The following UBAP2 variants were observed in gnomAD, a reference collection of about 807,000 sequenced individuals.
The protein encoded by UBAP2 is ubiquitin associated protein 2, also known as ubiquitin-associated protein 2.
Under a neutral mutation model 139.6 loss-of-function variants are expected in UBAP2, and 75 were observed. The observed-to-expected ratio is 0.54, with a 90% CI of 0.45 to 0.65. UBAP2 has a LOEUF of 0.65. UBAP2 is among the 30% of genes least tolerant of loss of function. The pLI is 0.00. For missense variants in UBAP2, 1,368 were observed against 1,369.6 expected (o/e 1.00, Z 0.02); for synonymous variants, 526 against 526.2 (o/e 1.00, Z 0.01).
chr9:34,024,631 ATAACTT>A (rs60979489), intron 1 of UBAP2, among the ~76,000 whole-genome samples: 90,633 of 151,200 alleles, frequency 0.6, 27,495 homozygotes, highest in East Asian at 0.81. Flanking sequence ...GGGTCAGAAA[ATAACTT>A]TAACAGGATG....
intron 2 of UBAP2, among the ~76,000 whole-genome samples, chr9:34,014,327 A>C (rs1339268614): frequency 2.0e-5 from 2 of 98,914 alleles, no homozygotes; most frequent in African/African-American, 8.0e-5. Flanking sequence ...ACTGTCTCAA[A>C]AAAAAAAAAA....
intron 19 of UBAP2, among the ~76,000 whole-genome samples, chr9:33,930,272 T>C (rs1261121572): frequency 2.0e-5 from 3 of 152,102 alleles, no homozygotes; most frequent in Non-Finnish European, 4.4e-5. Flanking sequence ...CAAATGTGTA[T>C]AAAATCATAA....
intron 6 of UBAP2, among the ~76,000 whole-genome samples, chr9:33,973,633 T>G (rs1828073014): frequency 6.6e-6 from 1 of 152,180 alleles, no homozygotes; most frequent in African/African-American, 2.4e-5. Context: ...AAGTATCATT[T>G]TAAATACTAG....
intron 19 of UBAP2, among the ~76,000 whole-genome samples, chr9:33,931,794 C>T (rs745340549): frequency 1.6e-4 from 24 of 152,148 alleles, no homozygotes; most frequent in Non-Finnish European, 2.2e-4. Flanking sequence ...CTCCTCCATT[C>T]GTCTGCACCC....
intron 11 of UBAP2, 94 bp from the exon 12 acceptor site, chr9:33,953,568 T>G: frequency 7.7e-7 from 1 of 1,293,370 alleles, no homozygotes. Context: ...GAATTTACAT[T>G]AAAAATCAAA....
chr9:33,928,077 A>G, intron 19 of UBAP2, 85 bp from the exon 20 acceptor site: 2 of 1,343,924 alleles, frequency 1.5e-6, no homozygotes, highest in South Asian at 1.4e-5. Flanking sequence ...CTTGGGCCCA[A>G]GTCTCAAGGC....
chr9:33,956,594 G>C (rs977999001), intron 10 of UBAP2, among the ~76,000 whole-genome samples: 1 of 152,010 alleles, frequency 6.6e-6, no homozygotes, highest in Non-Finnish European at 1.5e-5. Context: ...CTCCCAAAGT[G>C]TTGGGATTAC....
At chr9:34,038,558 T>A (rs1281407545) in intron 1 of UBAP2, among the ~76,000 whole-genome samples, 1 of 152,198 alleles carries the variant, frequency 6.6e-6, no homozygotes, top group African/African-American at 2.4e-5. Context: ...GTGCCGGGAT[T>A]GCAGACAGTG....
At chr9:34,002,335 T>C (rs1822779776) in intron 2 of UBAP2, among the ~76,000 whole-genome samples, 1 of 151,592 alleles carries the variant, frequency 6.6e-6, no homozygotes, top group Admixed American at 6.6e-5. Flanking sequence ...TATGAATATC[T>C]ATATCACGTT....
At chr9:33,938,898 G>C (rs761716033) in intron 16 of UBAP2, 6 of 454,226 alleles carry the variant, frequency 1.3e-5, no homozygotes, top group Non-Finnish European at 2.7e-5. Flanking sequence ...ACTTATTTCT[G>C]TCAAAGCATC....
At chr9:33,969,468 GA>G (rs1309027925) in intron 8 of UBAP2, among the ~76,000 whole-genome samples, 1 of 151,776 alleles carries the variant, frequency 6.6e-6, no homozygotes, top group African/African-American at 2.4e-5. Context: ...GGGATGGCTT[GA>G]ACCCAATGGT....
chr9:33,926,564 G>T, intron 22 of UBAP2, 53 bp downstream of exon 22: 2 of 1,596,708 alleles, frequency 1.3e-6, no homozygotes, highest in Non-Finnish European at 1.7e-6. Flanking sequence ...TAAGAGGGGG[G>T]ACATGTAAAA....
At chr9:34,020,528 G>A (rs901105724) in intron 1 of UBAP2, among the ~76,000 whole-genome samples, 65 of 152,028 alleles carry the variant, frequency 4.3e-4, no homozygotes, top group African/African-American at 1.5e-3. Context: ...GTTTGGCCAT[G>A]TTGGTCAGGC....
intron 1 of UBAP2, among the ~76,000 whole-genome samples, chr9:34,032,916 C>CAAAA (rs71506153): frequency 1.7e-5 from 2 of 118,068 alleles, no homozygotes; most frequent in Non-Finnish European, 3.5e-5. Flanking sequence ...ACCCTGTCTT[C>CAAAA]AAAAAAAAAA....
At chr9:34,020,352 A>G (rs989395045) in intron 1 of UBAP2, among the ~76,000 whole-genome samples, 10 of 150,362 alleles carry the variant, frequency 6.7e-5, no homozygotes, top group Admixed American at 3.3e-4. Context: ...ACAGAGTCTC[A>G]CTCCATCACC....
intron 6 of UBAP2, among the ~76,000 whole-genome samples, chr9:33,981,801 A>T (rs375001232): frequency 0.094 from 11,052 of 118,120 alleles, 500 homozygotes; most frequent in African/African-American, 0.16. Context: ...GAAGGAAGGA[A>T]GGAAGGGTGG....
intron 8 of UBAP2, chr9:33,968,175 T>C (rs1827613993): frequency 4.9e-6 from 3 of 607,134 alleles, no homozygotes; most frequent in South Asian, 2.8e-5. Flanking sequence ...AGAAATCTAC[T>C]GGGTTTTGGG....
At chr9:33,966,596 A>G (rs1217222058) in intron 8 of UBAP2, among the ~76,000 whole-genome samples, 1 of 152,192 alleles carries the variant, frequency 6.6e-6, no homozygotes, top group Admixed American at 6.5e-5. Context: ...TGAACACTGA[A>G]TATGTTCCCT....
chr9:34,012,360 G>A (rs530999717), intron 2 of UBAP2, among the ~76,000 whole-genome samples: 6 of 152,150 alleles, frequency 3.9e-5, no homozygotes, highest in Admixed American at 6.5e-5. Flanking sequence ...GCGAAACCTC[G>A]TTTCTACTGA....
Sources: gnomAD v4.1 joint callset for allele counts (sites outside exome capture counted in the v4.1 genomes callset) on GRCh38, gnomAD v4.1.1 for gene constraint, MANE v1.5 for transcripts, NCBI Gene and HGNC (gene_info 2026-07-23, HGNC 2026-07-21) for gene names.